Variants in DNAJC1 observed in about 807,000 individuals in gnomAD.
DNAJC1 encodes the protein DnaJ heat shock protein family (Hsp40) member C1, also known as dnaJ homolog subfamily C member 1.
In DNAJC1, 58 loss-of-function variants were observed where a neutral mutation model predicts 76.6. That is an observed-to-expected ratio of 0.76 (90% confidence interval 0.61 to 0.94). DNAJC1 has a LOEUF of 0.94. Among genes scored for constraint, DNAJC1 ranks in the 40% least tolerant of loss-of-function variants. DNAJC1 has a pLI of 0.00. For missense variants in DNAJC1, 689 were observed against 677.3 expected, an observed-to-expected ratio of 1.02 and a Z score of -0.19; for synonymous variants, 258 against 267.9, an observed-to-expected ratio of 0.96 and a Z score of 0.36.
intron 7 of DNAJC1, among the ~76,000 whole-genome samples, chr10:21,903,106 T>C (rs1836685013): frequency 6.6e-6 from 1 of 152,082 alleles, no homozygotes; most frequent in South Asian, 2.1e-4. Flanking sequence ...TTTGTATTTT[T>C]AGTAGAGACG....
chr10:21,795,653 A>T lies in DNAJC1; in HGVS notation c.1098+10327T>A, dbSNP rs550356052. 8.5e-5 allele frequency among the ~76,000 whole-genome samples: 13 copies of T among 152,344 alleles called. No individual in the cohort carries two copies. In the East Asian group the frequency reaches 2.5e-3, roughly 29 times the overall value. The stretch of plus-strand genomic sequence containing the variant: ...ACAACTCTACAAATTTACTAAAATA[A>T]CATGAGATTTACTCTCTTAAATCAG... On this transcript the variant is annotated intron_variant, in intron 9 of 11. Coordinates refer to ENST00000376980, the MANE Select transcript of DNAJC1 (RefSeq NM_022365.4).
chr10:21,873,037 C>T (rs566229207), intron 8 of DNAJC1, among the ~76,000 whole-genome samples: 170 of 152,294 alleles, frequency 1.1e-3, no homozygotes, highest in Non-Finnish European at 1.9e-3. Context: ...TATGGAAAAG[C>T]ACTGTGAAAA....
At chr10:21,823,828 C>T (rs1835198429) in intron 8 of DNAJC1, among the ~76,000 whole-genome samples, 1 of 151,894 alleles carries the variant, frequency 6.6e-6, no homozygotes, top group Admixed American at 6.6e-5. Context: ...TCCTGGGCCG[C>T]ATCCAGTCTG....
chr10:21,933,472 T>C (rs1267088160), intron 1 of DNAJC1: 1 of 152,232 alleles, frequency 6.6e-6, no homozygotes, highest in East Asian at 1.9e-4. Flanking sequence ...TAGATGGCCA[T>C]GTGCATGCCC....
chr10:21,957,540 C>T (rs1416219337), intron 1 of DNAJC1, among the ~76,000 whole-genome samples: 1 of 152,144 alleles, frequency 6.6e-6, no homozygotes, highest in Non-Finnish European at 1.5e-5. Context: ...AATCTACTTA[C>T]CCATTCATAT....
At chr10:21,939,467 C>T (rs973866448) in intron 1 of DNAJC1, among the ~76,000 whole-genome samples, 1 of 152,126 alleles carries the variant, frequency 6.6e-6, no homozygotes, top group African/African-American at 2.4e-5. Context: ...GATAGTGGTT[C>T]CCTAAAATTA....
At chr10:21,928,028 G>A (rs948248740) in intron 3 of DNAJC1, among the ~76,000 whole-genome samples, 2 of 152,194 alleles carry the variant, frequency 1.3e-5, no homozygotes, top group Non-Finnish European at 2.9e-5. Flanking sequence ...CAGGCTTACA[G>A]AAGCTTATAT....
intron 9 of DNAJC1, among the ~76,000 whole-genome samples, chr10:21,797,714 TC>T: frequency 6.6e-6 from 1 of 152,280 alleles, no homozygotes; most frequent in Admixed American, 6.5e-5. Context: ...TGAGTTCAGC[TC>T]CCTTCCTTTC....
intron 11 of DNAJC1, among the ~76,000 whole-genome samples, chr10:21,758,595 C>A (rs1437281611): frequency 6.6e-6 from 1 of 152,250 alleles, no homozygotes; most frequent in Non-Finnish European, 1.5e-5. Context: ...TCGCCTGGCA[C>A]TGACCACATA....
chr10:21,822,492 C>T (rs1420453831), intron 8 of DNAJC1, among the ~76,000 whole-genome samples: 1 of 151,532 alleles, frequency 6.6e-6, no homozygotes, highest in Non-Finnish European at 1.5e-5. Flanking sequence ...TAAATAAATA[C>T]ATGGAGACGA....
At chr10:21,768,274 C>T (rs1169718277) in intron 9 of DNAJC1, among the ~76,000 whole-genome samples, 1 of 152,118 alleles carries the variant, frequency 6.6e-6, no homozygotes, top group Non-Finnish European at 1.5e-5. Context: ...ATTTCTCTAT[C>T]CCATTAATCC....
intron 8 of DNAJC1, among the ~76,000 whole-genome samples, chr10:21,849,178 A>C (rs999699943): frequency 6.0e-5 from 9 of 151,220 alleles, no homozygotes; most frequent in African/African-American, 2.2e-4. Flanking sequence ...CTGTAATCCC[A>C]GCTACTCAGG....
chr10:21,882,079 G>A lies in DNAJC1; in HGVS notation c.978+203C>T, dbSNP rs113183792. ...TAAGGCAGGCGAATGGCATGAACCC[G>A]GGAAGCAGAGCTTGCAGTGAGCTGA... On this transcript the variant is annotated intron_variant, in intron 8 of 11. Transcript: ENST00000376980. Among the ~76,000 whole-genome samples, 39 of 152,178 alleles carry A rather than the reference G, an allele frequency of 2.6e-4. 1 individual carries two copies. The highest frequency in any genetic ancestry group is 8.7e-4 in the African/African-American group (36 of 41,538).
rs531023501 is a variant in DNAJC1, at chr10:21,988,281, TA to T, written c.222+14931del. 2.3e-4 allele frequency among the ~76,000 whole-genome samples: 35 copies of T among 152,248 alleles called. No homozygotes were observed. In the South Asian group the frequency reaches 5.0e-3, roughly 22 times the overall value. On this transcript the variant is annotated intron_variant, in intron 1 of 11. Transcript: ENST00000376980. ...TAGAAAGGCATCAGCTGCCTATAAG[TA>T]AAAATGTCTTTTTAAAAGATCATTA...
chr10:21,957,060 T>C (rs985359664), intron 1 of DNAJC1, among the ~76,000 whole-genome samples: 2 of 151,778 alleles, frequency 1.3e-5, no homozygotes, highest in Admixed American at 1.3e-4. Flanking sequence ...CCTGACTAAT[T>C]TTTGTATTTT....
intron 1 of DNAJC1, among the ~76,000 whole-genome samples, chr10:21,966,040 T>C (rs573155158): frequency 1.3e-4 from 20 of 152,346 alleles, no homozygotes; most frequent in African/African-American, 4.6e-4. Context: ...CTTGTGTTTC[T>C]TGATCTTGAC....
At chr10:21,977,425 C>G (rs185898941) in intron 1 of DNAJC1, among the ~76,000 whole-genome samples, 14 of 152,078 alleles carry the variant, frequency 9.2e-5, no homozygotes, top group Non-Finnish European at 1.8e-4. Flanking sequence ...TCCACGTGAA[C>G]TAAAATATGA....
intron 8 of DNAJC1, among the ~76,000 whole-genome samples, chr10:21,882,038 C>T (rs1168901808): frequency 1.3e-5 from 2 of 151,998 alleles, no homozygotes; most frequent in African/African-American, 4.8e-5. Flanking sequence ...CCTGTAGTCC[C>T]AGCTACTTGG....
intron 8 of DNAJC1, among the ~76,000 whole-genome samples, chr10:21,854,384 G>C (rs1022948287): frequency 8.1e-5 from 12 of 148,906 alleles, no homozygotes; most frequent in Non-Finnish European, 1.3e-4. Flanking sequence ...TTTCTCCATA[G>C]GTATAGTTGT....
Sources: allele counts gnomAD v4.1 joint callset (sites outside exome capture counted in the v4.1 genomes callset), GRCh38; gene constraint gnomAD v4.1.1; transcripts MANE v1.5; gene names NCBI Gene and HGNC (gene_info 2026-07-23, HGNC 2026-07-21).